PARD6G: variants seen among roughly 807,000 people sequenced by gnomAD.
PARD6G encodes the protein par-6 family cell polarity regulator gamma.
Under a neutral mutation model 10.7 loss-of-function variants are expected in PARD6G, and 7 were observed. The ratio of observed to expected loss-of-function variants is 0.66; its 90% CI spans 0.37 to 1.23. The LOEUF (loss-of-function observed/expected upper bound fraction) is 1.23. PARD6G is among the 50% of genes most tolerant of loss of function. PARD6G has a pLI of 0.02. For synonymous variants in PARD6G, 287 were observed against 269.4 expected (o/e 1.07, Z -0.64); for missense variants, 548 against 571.8 (o/e 0.96, Z 0.42).
chr18:80,167,819 C>A (rs1198324886), intron 2 of PARD6G, among the ~76,000 whole-genome samples: 2 of 152,114 alleles, frequency 1.3e-5, no homozygotes, highest in African/African-American at 4.8e-5. Context: ...ACCCCTGGGC[C>A]TGGGGTGCAG....
At position 80,200,355 on chromosome 18, in the gene PARD6G, C is replaced by T. The variant is rs960633690; in HGVS notation, c.295+2355G>A. On this transcript the variant is annotated intron_variant, in intron 2 of 2. Coordinates refer to ENST00000353265, the MANE Select transcript of PARD6G (RefSeq NM_032510.4). The surrounding 1 kb of genome is among the most constrained non-coding windows in gnomAD (Gnocchi z 4.4). ...TCTTTACAGTCAAATCCACTGAGGA[C>T]AGCGAGAGGCAGCTCTGATTTTCCC... 6.6e-6 allele frequency among the ~76,000 whole-genome samples: 1 copy of T among 152,180 alleles called. No individual in the cohort carries two copies. The highest frequency in any genetic ancestry group is 2.4e-5 in the African/African-American group (1 of 41,460).
chr18:80,230,553 C>T (rs1967346624), intron 1 of PARD6G, among the ~76,000 whole-genome samples: 1 of 152,176 alleles, frequency 6.6e-6, no homozygotes, highest in African/African-American at 2.4e-5. Flanking sequence ...CAGCCGTTGG[C>T]ACTCGCAGAA....
intron 2 of PARD6G, among the ~76,000 whole-genome samples, chr18:80,198,629 C>A (rs957852725): frequency 3.3e-5 from 5 of 152,228 alleles, no homozygotes; most frequent in Admixed American, 2.0e-4. Context: ...CTGGGGCACT[C>A]ACCAGGCTTG....
chr18:80,223,315 G>C (rs1467786843), intron 1 of PARD6G, among the ~76,000 whole-genome samples: 1 of 152,150 alleles, frequency 6.6e-6, no homozygotes, highest in African/African-American at 2.4e-5. Context: ...ACATCATGAA[G>C]AAAGTGAAAA....
intron 2 of PARD6G, among the ~76,000 whole-genome samples, chr18:80,179,412 G>A (rs922326706): frequency 1.3e-5 from 2 of 151,988 alleles, no homozygotes; most frequent in Non-Finnish European, 2.9e-5. Context: ...GCCCACGCCC[G>A]CTCCCTTGCC....
intron 2 of PARD6G, among the ~76,000 whole-genome samples, chr18:80,194,794 G>A (rs1165376204): frequency 6.6e-6 from 1 of 152,124 alleles, no homozygotes; most frequent in Non-Finnish European, 1.5e-5. Flanking sequence ...ATAACTGAGG[G>A]GGGAAATGAT....
chr18:80,178,889 A>G (rs2030336), intron 2 of PARD6G, among the ~76,000 whole-genome samples: 128,907 of 152,114 alleles, frequency 0.85, 54,761 homozygotes, highest in Non-Finnish European at 0.87. Flanking sequence ...TCAAGCCAGT[A>G]GCTCCTCTTC....
At chr18:80,229,205 TG>T (rs1474008789) in intron 1 of PARD6G, among the ~76,000 whole-genome samples, 1 of 152,194 alleles carries the variant, frequency 6.6e-6, no homozygotes, top group Non-Finnish European at 1.5e-5. Context: ...CCCAAAGTGC[TG>T]GGATTACAGG....
At position 80,202,390 on chromosome 18, in the gene PARD6G, G is replaced by A. The variant is rs183043027; in HGVS notation, c.295+320C>T. ...AACAAGATGATGGAGGGCATGCACC[G>A]TAACCCCAAGTTTCATTCTGAGGCC... On this transcript the variant is annotated intron_variant, in intron 2 of 2. Coordinates refer to ENST00000353265, the MANE Select transcript of PARD6G (RefSeq NM_032510.4). Among the ~76,000 whole-genome samples the A allele has an allele frequency of 5.2e-3, 789 of 152,196 alleles. 5 individuals carry two copies. Among genetic ancestry groups the A allele is most frequent in the Non-Finnish European group, 8.0e-3 (547 of 68,006 alleles).
intron 2 of PARD6G, among the ~76,000 whole-genome samples, chr18:80,167,350 GTGTGCAGGATAACACA>G (rs2052743599): frequency 6.8e-6 from 1 of 147,734 alleles, no homozygotes; most frequent in Non-Finnish European, 1.5e-5. Flanking sequence ...GTGTGGATGT[GTGTGCAGGATAACACA>G]TGGGCAGTGC....
chr18:80,202,344 G>A (rs1568436175), intron 2 of PARD6G, among the ~76,000 whole-genome samples: 2 of 152,106 alleles, frequency 1.3e-5, no homozygotes, highest in Non-Finnish European at 2.9e-5. Flanking sequence ...ATCATCGAAA[G>A]CTAACATGCT....
intron 2 of PARD6G, chr18:80,177,947 A>G (rs1402111333): frequency 1.4e-5 from 2 of 147,470 alleles, no homozygotes; most frequent in Non-Finnish European, 3.1e-5. Context: ...CAAGATAATC[A>G]CAGTCCAAAT....
chr18:80,215,871 G>A (rs1287623754), intron 1 of PARD6G, among the ~76,000 whole-genome samples: 1 of 152,038 alleles, frequency 6.6e-6, no homozygotes, highest in Admixed American at 6.6e-5. Context: ...TCATTCTCCA[G>A]TTATATGAGG....
Position 80,158,940 on chromosome 18 carries a change from G to A in PARD6G, c.*831C>T, listed in dbSNP as rs1207601547. On this transcript the variant is annotated 3_prime_UTR_variant, in exon 3 of 3. Transcript: ENST00000353265. ...CAACCGAATTATGACTATGAACAGT[G>A]TGAAAATCTGGAATTCATCTCCATG... The A allele has an allele frequency of 1.3e-5, 2 of 152,044 alleles. No homozygotes were observed. The highest frequency in any genetic ancestry group is 4.8e-5 in the African/African-American group (2 of 41,392). The allele number at this position is 152,044 out of a possible 1,614,324, so 9.4% of individuals were successfully genotyped here. A position where few individuals can be genotyped will look rare whatever the true frequency, so the allele number is the denominator to read the frequency against.
At chr18:80,174,576 G>A (rs922309136) in intron 2 of PARD6G, among the ~76,000 whole-genome samples, 1 of 152,232 alleles carries the variant, frequency 6.6e-6, no homozygotes, top group African/African-American at 2.4e-5. Flanking sequence ...AGGGGTAACA[G>A]CATTATCCAG....
At chr18:80,166,306 A>G (rs1045371897) in intron 2 of PARD6G, among the ~76,000 whole-genome samples, 7 of 151,202 alleles carry the variant, frequency 4.6e-5, no homozygotes, top group Non-Finnish European at 1.0e-4. Flanking sequence ...CCGCACCCCA[A>G]GCAGAACAAA....
At chr18:80,218,161 C>G (rs563291020) in intron 1 of PARD6G, among the ~76,000 whole-genome samples, 1 of 152,242 alleles carries the variant, frequency 6.6e-6, no homozygotes, top group African/African-American at 2.4e-5. Context: ...CATTTCTAAA[C>G]ACAATCATAC....
intron 2 of PARD6G, among the ~76,000 whole-genome samples, chr18:80,166,445 A>G (rs1405713090): frequency 6.6e-6 from 1 of 151,238 alleles, no homozygotes; most frequent in African/African-American, 2.4e-5. Context: ...TGGGGGCATC[A>G]GGACGCCTTG....
intron 2 of PARD6G, among the ~76,000 whole-genome samples, chr18:80,177,135 C>G (rs2052814776): frequency 7.1e-6 from 1 of 141,712 alleles, no homozygotes; most frequent in Admixed American, 7.3e-5. Flanking sequence ...CACACACACA[C>G]ACACCACAGT....
Sources: allele counts gnomAD v4.1 joint callset (sites outside exome capture counted in the v4.1 genomes callset), GRCh38; gene constraint gnomAD v4.1.1; non-coding constraint Gnocchi (gnomAD v3.1); transcripts MANE v1.5; gene names NCBI Gene and HGNC (gene_info 2026-07-23, HGNC 2026-07-21).